CD22: variants seen among roughly 807,000 people sequenced by gnomAD.
CD22 encodes B-cell receptor CD22.
A neutral mutation model predicts 94.7 loss-of-function variants in CD22; 51 were observed. That is an observed-to-expected ratio of 0.54 (90% CI 0.43 to 0.68). CD22 has a LOEUF of 0.68. CD22 is among the 30% of genes least tolerant of loss of function. The probability of loss-of-function intolerance (pLI) is 0.00; values close to 1 mark genes in which losing one functional copy is unlikely to be tolerated. For missense variants in CD22, 931 were observed against 1,060.4 expected (o/e 0.88, Z 1.69); for synonymous variants, 424 against 422.5 (o/e 1.00, Z -0.04).
rs549484285 is a variant in CD22 at position 35,338,037 on chromosome 19, C to T, written c.985+16C>T. On this transcript the variant is annotated intron_variant, in intron 5 of 13. Coordinates refer to ENST00000085219, the MANE Select transcript of CD22 (RefSeq NM_001771.4). ...CAAGTGCAGTGTGAGCCCCTCGGAG[C>T]TGGGGACAGGCCAGGCAGGGAGGTA... The T allele has an allele frequency of 3.8e-6, 6 of 1,597,752 alleles. No homozygotes were observed. Among genetic ancestry groups the T allele is most frequent in the Non-Finnish European group, 4.3e-6 (5 of 1,169,938 alleles).
intron 3 of CD22, 39 bp downstream of exon 3, chr19:35,332,963 G>C (rs1366787467): frequency 6.3e-7 from 1 of 1,586,474 alleles, no homozygotes; most frequent in Non-Finnish European, 8.6e-7. Flanking sequence ...CTCTGGGCAG[G>C]GGTGAGTGGG....
intron 9 of CD22, among the ~76,000 whole-genome samples, chr19:35,342,316 T>C (rs969450580): frequency 6.6e-6 from 1 of 151,936 alleles, no homozygotes; most frequent in African/African-American, 2.4e-5. Flanking sequence ...ACTATAGACA[T>C]GCACCACCAC....
chr19:35,342,135 C>G (rs2066825165), intron 9 of CD22, among the ~76,000 whole-genome samples, 170 bp downstream of exon 9: 1 of 150,216 alleles, frequency 6.7e-6, no homozygotes, highest in Non-Finnish European at 1.5e-5. Flanking sequence ...TCTGCTTTCT[C>G]CCTCTCCTCC....
Position 35,341,145 on chromosome 19 carries a change from C to A in CD22, c.1507+7C>A. The stretch of plus-strand genomic sequence containing the variant: ...GTCGCCCTGAATGTCCAGTGTGAGT[C>A]CCTGGGCTAGGCAGGGGGATCTGGG... On this transcript the variant is annotated splice_region_variant and intron_variant, in intron 7 of 13. Transcript: ENST00000085219. The surrounding 1 kb of genome is among the most constrained non-coding windows in gnomAD (Gnocchi z 4.0). 1 of 1,613,848 alleles carries A rather than the reference C, an allele frequency of 6.2e-7. No homozygotes were observed. Among genetic ancestry groups the A allele is most frequent in the Non-Finnish European group, 8.5e-7 (1 of 1,179,826 alleles).
chr19:35,346,714 G>A lies in CD22; in HGVS notation c.*17G>A, dbSNP rs756341366. On this transcript the variant is annotated 3_prime_UTR_variant, in exon 14 of 14. Transcript: ENST00000085219. Reference sequence around the variant, plus strand: ...AAACATTGACACTGGATGGGCTGCAGCAGAGGCACTGGGGGCAGCGGGGGC... The same window carrying A: ...AAACATTGACACTGGATGGGCTGCAACAGAGGCACTGGGGGCAGCGGGGGC... 6.3e-7 allele frequency: 1 copy of A among 1,593,138 alleles called. No individual in the cohort carries two copies. Among genetic ancestry groups the A allele is most frequent in the South Asian group, 1.1e-5 (1 of 88,396 alleles).
intron 3 of CD22, among the ~76,000 whole-genome samples, chr19:35,333,267 G>A (rs74569084): frequency 1.3e-5 from 2 of 152,124 alleles, no homozygotes; most frequent in Non-Finnish European, 2.9e-5. Flanking sequence ...TCCTTTAGTG[G>A]GGTGGGTCTG....
chr19:35,338,510 A>G, intron 6 of CD22, 79 bp downstream of exon 6: 4 of 1,467,186 alleles, frequency 2.7e-6, no homozygotes, highest in Non-Finnish European at 3.7e-6. Flanking sequence ...GGTGCAGGGC[A>G]TTCCGGGGTC....
chr19:35,332,885 A>G lies in CD22; in HGVS notation c.373A>G (p.Thr125Ala). 3 of 1,614,184 alleles carry G rather than the reference A, an allele frequency of 1.9e-6. No individual in the cohort carries two copies. The highest frequency in any genetic ancestry group is 1.1e-5 in the South Asian group (1 of 91,086). ...GQLGLRMESKTEKWMERIHLN... is the reference protein window; with the variant it reads ...GQLGLRMESKAEKWMERIHLN... ...GCTGGGGCTGAGGATGGAGTCCAAG[A>G]CTGAGAAATGGATGGAACGAATACA... Residue 125 changes from threonine to alanine, a missense_variant, in exon 3 of 14, where the codon ACT becomes GCT. Thr to Ala is a moderately conservative substitution (Grantham distance 58). Coordinates refer to ENST00000085219, the MANE Select transcript of CD22 (RefSeq NM_001771.4).
Position 35,341,512 on chromosome 19 carries a change from C to T in CD22, c.1677C>T (p.Asp559=). 2 of 1,614,132 alleles carry T rather than the reference C, an allele frequency of 1.2e-6. No homozygotes were observed. Among genetic ancestry groups the T allele is most frequent in the African/African-American group, 1.3e-5 (1 of 75,032 alleles). The change falls in exon 8 of 14, where the codon GAC becomes GAT. Residue 559 remains aspartate, a synonymous_variant. Coordinates refer to ENST00000085219, the MANE Select transcript of CD22 (RefSeq NM_001771.4). The surrounding 1 kb of genome is among the most constrained non-coding windows in gnomAD (Gnocchi z 4.0). The stretch of plus-strand genomic sequence containing the variant: ...GGAAAGAAAGCCAGCTGAATTTTGA[C>T]TCCATCTCCCCAGAAGATGCTGGGA... ...LLGKESQLNF[D]SISPEDAGSY...
intron 3 of CD22, among the ~76,000 whole-genome samples, chr19:35,334,189 C>T (rs2066685313): frequency 1.3e-5 from 2 of 152,236 alleles, no homozygotes; most frequent in South Asian, 2.1e-4. Context: ...TTGTGCCCCT[C>T]GGCTCATCAA....
chr19:35,340,680 C>T (rs965081146), intron 6 of CD22, among the ~76,000 whole-genome samples: 39 of 152,228 alleles, frequency 2.6e-4, no homozygotes, highest in Non-Finnish European at 5.6e-4. Context: ...TGAACCCCTG[C>T]ACCAAACCAC....
chr19:35,333,862 T>C (rs1014906227), intron 3 of CD22, among the ~76,000 whole-genome samples: 1 of 152,156 alleles, frequency 6.6e-6, no homozygotes, highest in African/African-American at 2.4e-5. Flanking sequence ...ATCTTCTGAT[T>C]TTTCAAGAGA....
Position 35,332,645 on chromosome 19 carries a change from A to T in CD22, c.133A>T (p.Thr45Ser). 6.2e-7 allele frequency: 1 copy of T among 1,614,078 alleles called. No individual in the cohort carries two copies. The highest frequency in any genetic ancestry group is 8.5e-7 in the Non-Finnish European group (1 of 1,180,020). ...WEGACVWIPCTYRALDGDLES... is the reference protein window; with the variant it reads ...WEGACVWIPCSYRALDGDLES... ...GGGGGCCTGCGTCTGGATCCCCTGC[A>T]CCTACAGAGCCCTAGATGGTGACCT... The change falls in exon 3 of 14, where the codon ACC becomes TCC. Residue 45 changes from threonine to serine, a missense_variant. Thr to Ser is a moderately conservative substitution (Grantham distance 58). Transcript: ENST00000085219.
chr19:35,332,569 T>C lies in CD22; in HGVS notation c.57T>C (p.Ser19=). The C allele has an allele frequency of 6.2e-7, 1 of 1,613,398 alleles. No homozygotes were observed. Among genetic ancestry groups the C allele is most frequent in the Non-Finnish European group, 8.5e-7 (1 of 1,179,710 alleles). The change falls in exon 3 of 14, where the codon TCT becomes TCC. Residue 19 remains serine, a synonymous_variant. Coordinates refer to ENST00000085219, the MANE Select transcript of CD22 (RefSeq NM_001771.4). ...GAGTTCTAGAATACTTGGCTTTCTC[T>C]GACTCAAGTAAATGGGTTTTTGAGC... ...LLLVLEYLAF[S]DSSKWVFEHP...
In CD22 at chr19:35,341,011, C is replaced by T. The variant is rs752070697; in HGVS notation, c.1380C>T (p.Gly460=). 6.8e-6 allele frequency: 11 copies of T among 1,614,106 alleles called. No individual in the cohort carries two copies. The Admixed American group carries it at 8.3e-5, about 12-fold the overall frequency. The change falls in exon 7 of 14, where the codon GGC becomes GGT. Residue 460 remains glycine (G), a synonymous_variant. Transcript: ENST00000085219. This position sits in a 1 kb window ranked among gnomAD's most constrained non-coding sequence, Gnocchi z 4.0. Reference sequence around the variant, plus strand: ...CCCGGTATGAATGGAAACCCCATGGCGCCTGGGAGGAGCCATCGCTTGGGG... The same window carrying T: ...CCCGGTATGAATGGAAACCCCATGGTGCCTGGGAGGAGCCATCGCTTGGGG... ...SVTRYEWKPH[G]AWEEPSLGVL... is the part of the protein sequence containing the mutation.
chr19:35,342,003 G>A lies in CD22; in HGVS notation c.2035+38G>A, dbSNP rs755596715. On this transcript the variant is annotated intron_variant, in intron 9 of 13. Coordinates refer to ENST00000085219, the MANE Select transcript of CD22 (RefSeq NM_001771.4). Reference sequence around the variant, plus strand: ...CCTGCTCTTGTTCTTCTTGGTGGTGGTCAGTCCTTCCTTCCTTCCTTCCTT... The same window carrying A: ...CCTGCTCTTGTTCTTCTTGGTGGTGATCAGTCCTTCCTTCCTTCCTTCCTT... 3.4e-6 allele frequency: 5 copies of A among 1,465,416 alleles called. No homozygotes were observed. The East Asian group carries it at 9.4e-5, about 27-fold the overall frequency. The allele number at this position is 1,465,416 out of a possible 1,614,324, so 90.8% of individuals were successfully genotyped here.
chr19:35,339,860 A>G (rs2066781591), intron 6 of CD22, among the ~76,000 whole-genome samples: 1 of 152,142 alleles, frequency 6.6e-6, no homozygotes, highest in Admixed American at 6.5e-5. Context: ...CTCCAAAAAA[A>G]AAGAATAATT....
chr19:35,331,761 C>A (rs1251194461), intron 1 of CD22: 4 of 490,452 alleles, frequency 8.2e-6, no homozygotes, highest in Non-Finnish European at 9.8e-6. Context: ...GCCAGAGAAA[C>A]GCTTGAGCCT....
chr19:35,346,029 A>T (rs2145684376), intron 12 of CD22, 122 bp from the exon 13 acceptor site: 1 of 741,678 alleles, frequency 1.3e-6, no homozygotes, highest in Non-Finnish European at 2.4e-6. Context: ...GGCACTGGGG[A>T]GGCCACAGGT....
Sources: allele counts gnomAD v4.1 joint callset (sites outside exome capture counted in the v4.1 genomes callset), GRCh38; gene constraint gnomAD v4.1.1; non-coding constraint Gnocchi (gnomAD v3.1); transcripts MANE v1.5; gene names NCBI Gene and HGNC (gene_info 2026-07-23, HGNC 2026-07-21).